The following CD1A variants were observed in gnomAD, a reference collection of about 807,000 sequenced individuals.
The protein encoded by CD1A is CD1a molecule, also known as T-cell surface glycoprotein CD1a.
Under a neutral mutation model 38.3 loss-of-function variants are expected in CD1A, and 50 were observed. That is an observed-to-expected ratio of 1.30 (90% CI 1.04 to 1.65). The LOEUF is 1.65. CD1A is among the 40% of genes most tolerant of loss of function. The pLI is 0.00. For missense variants in CD1A, 459 were observed against 406.1 expected (o/e 1.13, Z -1.12); for synonymous variants, 160 against 150.8 (o/e 1.06, Z -0.45).
rs1379603165 is a variant in CD1A at position 158,255,209 on chromosome 1, A to T, written c.184A>T (p.Ser62Cys). The T allele has an allele frequency of 1.2e-6, 2 of 1,614,174 alleles. No individual in the cohort carries two copies. Among genetic ancestry groups the T allele is most frequent in the Admixed American group, 3.3e-5 (2 of 60,014 alleles). ...LQTHTWDSNS[S>C]TIVFLCPWSR... ...GACTCATACCTGGGACAGCAATTCC[A>T]GCACCATCGTTTTCCTGTGCCCCTG... The change falls in exon 2 of 6, where the codon AGC becomes TGC. Residue 62 changes from serine to cysteine, a missense_variant. Ser to Cys is a moderately radical substitution (Grantham distance 112). Coordinates refer to ENST00000289429, the MANE Select transcript of CD1A (RefSeq NM_001763.3).
At chr1:158,253,390 G>A (rs1365762357), upstream of CD1A, among the ~76,000 whole-genome samples, 1 of 152,184 alleles carries the variant, frequency 6.6e-6, no homozygotes, top group African/African-American at 2.4e-5. Context: ...GTTCTGACTA[G>A]TTTCTTATAA....
intron 2 of CD1A, 103 bp from the exon 3 acceptor site, chr1:158,255,901 T>A: frequency 8.5e-7 from 1 of 1,177,506 alleles, no homozygotes; most frequent in Non-Finnish European, 1.2e-6. Context: ...TATTCCATTA[T>A]GTCAAACCCT....
At chr1:158,251,799 G>A (rs1650094814), upstream of CD1A, among the ~76,000 whole-genome samples, 1 of 151,970 alleles carries the variant, frequency 6.6e-6, no homozygotes, top group African/African-American at 2.4e-5. Flanking sequence ...CAGCTGCAGT[G>A]GGTTTTCACA....
At position 158,254,617 on chromosome 1, in the gene CD1A, CA is replaced by C; in HGVS notation, c.-52del. ...TATCGTGGGGTAGGTTTGTTTGGAACAGAAATCAAAGACCAATTTTTCTGAG... is the reference window on the plus strand; with the variant it reads ...TATCGTGGGGTAGGTTTGTTTGGAACGAAATCAAAGACCAATTTTTCTGAG... On this transcript the variant is annotated 5_prime_UTR_variant, in exon 1 of 6. Transcript: ENST00000289429. 1 of 1,613,116 alleles carries C rather than the reference CA, an allele frequency of 6.2e-7. No individual in the cohort carries two copies. Among genetic ancestry groups the C allele is most frequent in the Admixed American group, 1.7e-5 (1 of 59,986 alleles).
rs1381839861 is a variant in CD1A, at chr1:158,257,525, A to G, written c.974+14A>G. 4 of 1,609,564 alleles carry G rather than the reference A, an allele frequency of 2.5e-6. No homozygotes were observed. The highest frequency in any genetic ancestry group is 1.1e-5 in the South Asian group (1 of 90,978). ...CAGGAAACGCTGGTGAGTTCTTTGC[A>G]TGTGTCTTTCCTACTCTTAGCCTCT... On this transcript the variant is annotated intron_variant, in intron 5 of 5. Transcript: ENST00000289429.
chr1:158,255,414 T>TAAAGGAATAAGAAAC, intron 2 of CD1A, 64 bp downstream of exon 2: 1 of 1,527,532 alleles, frequency 6.5e-7, no homozygotes, highest in Non-Finnish European at 9.0e-7. Context: ...CAATGTTTCT[T>TAAAGGAATAAGAAAC]ATTCCTTTAG....
In CD1A at chr1:158,257,444, A is replaced by C; in HGVS notation, c.907A>C (p.Ile303Leu). The change falls in exon 5 of 6, where the codon ATC becomes CTC. Residue 303 changes from isoleucine (I) to leucine (L), a missense_variant. By Grantham distance (5) the Ile-to-Leu change is conservative (BLOSUM62 2). Transcript: ENST00000289429. ...YWEHHSSVGF[I>L]ILAVIVPLLL... ...AGAGCATCACAGTTCCGTGGGCTTC[A>C]TCATCTTGGCGGTGATAGTGCCTTT... is the stretch of plus-strand genomic sequence containing the variant. 1 of 1,614,142 alleles carries C rather than the reference A, an allele frequency of 6.2e-7. No individual in the cohort carries two copies. The highest frequency in any genetic ancestry group is 8.5e-7 in the Non-Finnish European group (1 of 1,179,966).
chr1:158,249,953 G>C (rs932958112), upstream of CD1A, among the ~76,000 whole-genome samples: 3 of 152,210 alleles, frequency 2.0e-5, no homozygotes, highest in Non-Finnish European at 2.9e-5. Flanking sequence ...CCACTGTATG[G>C]AGATGCACTT....
Position 158,257,751 on chromosome 1 carries a change from G to A in CD1A, c.*61G>A, listed in dbSNP as rs1446178061. On this transcript the variant is annotated 3_prime_UTR_variant, in exon 6 of 6. Coordinates refer to ENST00000289429, the MANE Select transcript of CD1A (RefSeq NM_001763.3). The stretch of plus-strand genomic sequence containing the variant: ...TTGGGGTGAGAGACCAGCAGCCCAA[G>A]GGCTCCAGACACACCTGAACACATC... 7 of 1,483,926 alleles carry A rather than the reference G, an allele frequency of 4.7e-6. No individual in the cohort carries two copies. In the Admixed American group the frequency reaches 1.0e-4, roughly 21 times the overall value. 91.9% of individuals were successfully genotyped at this position (1,483,926 alleles called of 1,614,324 possible).
At chr1:158,250,070 G>A (rs2101626519), upstream of CD1A, among the ~76,000 whole-genome samples, 1 of 152,374 alleles carries the variant, frequency 6.6e-6, no homozygotes, top group African/African-American at 2.4e-5. Context: ...TGCAGACACT[G>A]TGGGATGCAT....
chr1:158,256,977 C>T lies in CD1A; in HGVS notation c.796C>T (p.Leu266=), dbSNP rs894951610. 1.2e-6 allele frequency: 2 copies of T among 1,614,182 alleles called. No homozygotes were observed. Among genetic ancestry groups the T allele is most frequent in the African/African-American group, 2.7e-5 (2 of 75,050 alleles). Residue 266 remains leucine, a synonymous_variant, in exon 4 of 6, where the codon CTG becomes TTG. Coordinates refer to ENST00000289429, the MANE Select transcript of CD1A (RefSeq NM_001763.3). ...TGGGACATGGTATCTCCGCGCAACC[C>T]TGGAGGTGGCCGCTGGGGAGGCAGC... ...ADGTWYLRAT[L]EVAAGEAADL... is the part of the protein sequence containing the mutation.
chr1:158,257,672 C>T lies in CD1A; in HGVS notation c.975-9C>T, dbSNP rs1279257026. ...ATTCAGAGTGACTTCTATCTCTGTT[C>T]TCATCCAGTTTCTGTTAAGACACAC... On this transcript the variant is annotated splice_polypyrimidine_tract_variant and intron_variant, in intron 5 of 5. Coordinates refer to ENST00000289429, the MANE Select transcript of CD1A (RefSeq NM_001763.3). 3.1e-6 allele frequency: 5 copies of T among 1,613,880 alleles called. No individual in the cohort carries two copies. In the South Asian group the frequency reaches 3.3e-5, roughly 11 times the overall value.
upstream of CD1A, among the ~76,000 whole-genome samples, chr1:158,251,850 C>T (rs1650095954): frequency 6.6e-6 from 1 of 151,954 alleles, no homozygotes; most frequent in African/African-American, 2.4e-5. Flanking sequence ...CTTTCCCCAC[C>T]AGGTTAGGGC....
At chr1:158,248,380 A>T in the CD1A span, 1 of 985,268 alleles carries the variant, frequency 1.0e-6, no homozygotes, top group East Asian at 1.1e-4. Context: ...GGAAGAATTT[A>T]GGAGCCATGT....
Position 158,257,663 on chromosome 1 carries a change from A to T in CD1A, c.975-18A>T, listed in dbSNP as rs1042360856. 1.9e-6 allele frequency: 3 copies of T among 1,613,292 alleles called. No homozygotes were observed. In the Admixed American group the frequency reaches 5.0e-5, roughly 27 times the overall value. ...CTCCACCTTATTCAGAGTGACTTCTATCTCTGTTCTCATCCAGTTTCTGTT... is the reference window on the plus strand; with the variant it reads ...CTCCACCTTATTCAGAGTGACTTCTTTCTCTGTTCTCATCCAGTTTCTGTT... On this transcript the variant is annotated intron_variant, in intron 5 of 5. Coordinates refer to ENST00000289429, the MANE Select transcript of CD1A (RefSeq NM_001763.3).
Position 158,256,923 on chromosome 1 carries a change from C to T in CD1A, c.742C>T (p.Gln248Ter). ...MRGEQEQQGT[Q>*]RGDILPSADG... Reference sequence around the variant, plus strand: ...GGGTGAGCAGGAGCAGCAGGGCACTCAGCGAGGGGACATCTTGCCCAGTGC... The same window carrying T: ...GGGTGAGCAGGAGCAGCAGGGCACTTAGCGAGGGGACATCTTGCCCAGTGC... The change falls in exon 4 of 6, where the codon CAG becomes TAG. Residue 248 changes from glutamine to a stop codon, truncating the protein, a stop_gained. Transcript: ENST00000289429. LOFTEE classifies it high-confidence loss of function. The T allele has an allele frequency of 6.2e-7, 1 of 1,614,188 alleles. No individual in the cohort carries two copies.
chr1:158,250,393 T>C (rs1283268547), upstream of CD1A, among the ~76,000 whole-genome samples: 1 of 152,176 alleles, frequency 6.6e-6, no homozygotes, highest in African/African-American at 2.4e-5. Context: ...TTATGAAGAA[T>C]TTAAGGATGA....
chr1:158,257,785 G>T lies in CD1A; in HGVS notation c.*95G>T. On this transcript the variant is annotated 3_prime_UTR_variant, in exon 6 of 6. Transcript: ENST00000289429. ...ACACACCTGAACACATCGTGATGATGACGTCCTCTCAACTCTCTTTGTAAA... is the reference window on the plus strand; with the variant it reads ...ACACACCTGAACACATCGTGATGATTACGTCCTCTCAACTCTCTTTGTAAA... The T allele has an allele frequency of 9.5e-7, 1 of 1,049,640 alleles. No individual in the cohort carries two copies. Among genetic ancestry groups the T allele is most frequent in the South Asian group, 1.3e-5 (1 of 74,174 alleles). The allele number at this position is 1,049,640 out of a possible 1,614,324, so 65.0% of individuals were successfully genotyped here.
In CD1A at chr1:158,257,470, A is replaced by C. The variant is rs1650299834; in HGVS notation, c.933A>C (p.Leu311Phe). Reference sequence around the variant, plus strand: ...TCATCTTGGCGGTGATAGTGCCTTTACTTCTTCTGATAGGTCTTGCGCTTT... The same window carrying C: ...TCATCTTGGCGGTGATAGTGCCTTTCCTTCTTCTGATAGGTCTTGCGCTTT... ...GFIILAVIVP[L>F]LLLIGLALWF... Residue 311 changes from leucine (L) to phenylalanine (F), a missense_variant, in exon 5 of 6, where the codon TTA (leucine) becomes TTC (phenylalanine). By Grantham distance (22) the Leu-to-Phe change is conservative. Transcript: ENST00000289429. 6.2e-7 allele frequency: 1 copy of C among 1,614,048 alleles called. No homozygotes were observed. The highest frequency in any genetic ancestry group is 8.5e-7 in the Non-Finnish European group (1 of 1,179,962).
Sources: gnomAD v4.1 joint callset for allele counts (sites outside exome capture counted in the v4.1 genomes callset) on GRCh38, gnomAD v4.1.1 for gene constraint, MANE v1.5 for transcripts, NCBI Gene and HGNC (gene_info 2026-07-23, HGNC 2026-07-21) for gene names.